Variants in AKAP8L observed in about 807,000 individuals in gnomAD.
AKAP8L encodes the protein A-kinase anchor protein 8-like.
In AKAP8L, 34 loss-of-function variants were observed where a neutral mutation model predicts 77.5. The observed-to-expected ratio is 0.44, with a 90% CI of 0.33 to 0.58. The LOEUF is 0.58. Among genes scored for constraint, AKAP8L ranks in the 20% least tolerant of loss-of-function variants. AKAP8L has a pLI of 0.02. For missense variants in AKAP8L, 806 were observed against 887.6 expected, an observed-to-expected ratio of 0.91 and a Z score of 1.17; for synonymous variants, 342 against 340.7, an observed-to-expected ratio of 1.00 and a Z score of -0.04.
At position 15,410,585 on chromosome 19, in the gene AKAP8L, T is replaced by C. The variant is rs758174500; in HGVS notation, c.23A>G (p.Gln8Arg). The stretch of plus-strand genomic sequence containing the variant: ...CGACTGCAAAGTGGTTTCAGATCCC[T>C]GGACAAAGCCTAAACATAAAGACAG... MSYTGFV[Q>R]GSETTLQSTY... The change falls in exon 2 of 14, where the codon CAG becomes CGG. Residue 8 changes from glutamine (Q) to arginine (R), a missense_variant. By Grantham distance (43) the Gln-to-Arg change is conservative. Around this residue, in one of 2 missense-constraint regions of AKAP8L, gnomAD observed 580 missense variants for 694.1 expected, o/e 0.84. Coordinates refer to ENST00000397410, the MANE Select transcript of AKAP8L (RefSeq NM_014371.4). 1.3e-6 allele frequency: 2 copies of C among 1,591,882 alleles called. No homozygotes were observed. Among genetic ancestry groups the C allele is most frequent in the African/African-American group, 1.3e-5 (1 of 74,692 alleles).
rs1967809009 is a variant in AKAP8L at position 15,397,823 on chromosome 19, C to CCCCCCCACCAAT, written c.1189_1190insATTGGTGGGGGG (p.Arg397delinsHisTrpTrpGlyGly). The CCCCCCCACCAAT allele has an allele frequency of 6.2e-7, 1 of 1,613,734 alleles. No individual in the cohort carries two copies. The highest frequency in any genetic ancestry group is 1.7e-5 in the Admixed American group (1 of 59,980). On this transcript the variant is annotated protein_altering_variant, in exon 10 of 14. Transcript: ENST00000397410. The surrounding 1 kb of genome is among the most constrained non-coding windows in gnomAD (Gnocchi z 4.7). The stretch of plus-strand genomic sequence containing the variant: ...GGCCATCTCGTCCTCATAGAAGGTC[C>CCCCCCCACCAAT]GGTATTTGCACAGAGAACACACAAA...
rs1387552112 is a variant in AKAP8L at position 15,398,827 on chromosome 19, T to C, written c.1157+475A>G. 3 of 1,015,014 alleles carry C rather than the reference T, an allele frequency of 3.0e-6. No individual in the cohort carries two copies. The East Asian group carries it at 2.9e-4, about 99-fold the overall frequency. 62.9% of individuals were successfully genotyped at this position (1,015,014 alleles called of 1,614,324 possible). A position where few individuals can be genotyped will look rare whatever the true frequency, so the allele number is the denominator to read the frequency against. ...GGCTCAGCCGCAGACAGGCCCGGCC[T>C]GACAGGGCCGGCGGGCAGGGCAGAA... On this transcript the variant is annotated intron_variant, in intron 9 of 13. Transcript: ENST00000397410. The surrounding 1 kb of genome is among the most constrained non-coding windows in gnomAD (Gnocchi z 9.2).
chr19:15,413,550 T>A (rs1472902271), intron 1 of AKAP8L, among the ~76,000 whole-genome samples: 1 of 152,176 alleles, frequency 6.6e-6, no homozygotes, highest in Non-Finnish European at 1.5e-5. Context: ...AATGGATTCC[T>A]TCCAGGGATC....
rs777235953 is a variant in AKAP8L, at chr19:15,403,622, G to A, written c.215C>T (p.Pro72Leu). Residue 72 changes from proline to leucine, a missense_variant, in exon 4 of 14, where the codon CCT becomes CTT. Around this residue, in one of 2 missense-constraint regions of AKAP8L, gnomAD observed 580 missense variants for 694.1 expected, o/e 0.84. Coordinates refer to ENST00000397410, the MANE Select transcript of AKAP8L (RefSeq NM_014371.4). The surrounding 1 kb of genome is among the most constrained non-coding windows in gnomAD (Gnocchi z 4.3). ...GMATSHSWEM[P>L]SSDTNANTSA... ...AGTGTTTGCATTTGTGTCAGAGCTAGGCATTTCCCAAGAGTGTGAAGTGGC... is the reference window on the plus strand; with the variant it reads ...AGTGTTTGCATTTGTGTCAGAGCTAAGCATTTCCCAAGAGTGTGAAGTGGC... 1.4e-5 allele frequency: 22 copies of A among 1,613,870 alleles called. No individual in the cohort carries two copies. Among genetic ancestry groups the A allele is most frequent in the African/African-American group, 2.7e-5 (2 of 74,918 alleles).
Position 15,397,230 on chromosome 19 carries a change from C to A in AKAP8L, c.1456G>T (p.Ala486Ser), listed in dbSNP as rs747237353. The A allele has an allele frequency of 2.5e-6, 4 of 1,614,046 alleles. No homozygotes were observed. The highest frequency in any genetic ancestry group is 2.2e-5 in the South Asian group (2 of 91,086). ...TGCATGGGAATGAAGAGGTCGCAGG[C>A]TGCACAATGGGCTGCCTCCACCTTC... Reference protein sequence around the residue: ...VKKVEAAHCAACDLFIPMQFG... With the variant: ...VKKVEAAHCASCDLFIPMQFG... The change falls in exon 12 of 14, where the codon GCC becomes TCC. Residue 486 changes from alanine (A) to serine (S), a missense_variant. By Grantham distance (99) the Ala-to-Ser change is moderately conservative (BLOSUM62 1). Coordinates refer to ENST00000397410, the MANE Select transcript of AKAP8L (RefSeq NM_014371.4). The surrounding 1 kb of genome is among the most constrained non-coding windows in gnomAD (Gnocchi z 4.7).
Position 15,380,582 on chromosome 19 carries a change from G to A in AKAP8L, c.1567C>T (p.Leu523Phe). ...LMMEQSKKSSLMVARSILNNK... is the reference protein window; with the variant it reads ...LMMEQSKKSSFMVARSILNNK... ...TTGAGAATACTGCGGGCCACCATGAGGGAGGACTTCTTGGACTGCTCCATC... is the reference window on the plus strand; with the variant it reads ...TTGAGAATACTGCGGGCCACCATGAAGGAGGACTTCTTGGACTGCTCCATC... The change falls in exon 13 of 14, where the codon CTC becomes TTC. Residue 523 changes from leucine to phenylalanine, a missense_variant. Around this residue, in one of 2 missense-constraint regions of AKAP8L, gnomAD observed 226 missense variants for 193.5 expected, o/e 1.17. Transcript: ENST00000397410. The A allele has an allele frequency of 1.2e-6, 2 of 1,613,822 alleles. No individual in the cohort carries two copies.
In AKAP8L at chr19:15,380,365, G is replaced by C; in HGVS notation, c.1698C>G (p.Ala566=). Residue 566 remains alanine, a synonymous_variant, in exon 14 of 14, where the codon GCC becomes GCG. Coordinates refer to ENST00000397410, the MANE Select transcript of AKAP8L (RefSeq NM_014371.4). The part of the protein sequence containing the change: ...EKEQEEAEGG[A]LDEGAQGEAA... ...CTTCGCCCTGCGCCCCCTCGTCCAG[G>C]GCACCGCCCTCAGCCTCCTCCTGCT... 2 of 1,562,056 alleles carry C rather than the reference G, an allele frequency of 1.3e-6. No homozygotes were observed. The highest frequency in any genetic ancestry group is 1.7e-6 in the Non-Finnish European group (2 of 1,157,300).
intron 12 of AKAP8L, 151 bp from the exon 13 acceptor site, chr19:15,380,763 C>G (rs999749866): frequency 6.2e-6 from 4 of 641,088 alleles, no homozygotes; most frequent in African/African-American, 1.8e-5. Context: ...AAGCATGGAA[C>G]CACAACCTAT....
At chr19:15,390,954 T>C (rs917747748) in intron 12 of AKAP8L, among the ~76,000 whole-genome samples, 4 of 152,164 alleles carry the variant, frequency 2.6e-5, no homozygotes, top group African/African-American at 7.2e-5. Context: ...ACAGCTGACA[T>C]CACACTTAAT....
chr19:15,407,157 G>A (rs771482843), intron 2 of AKAP8L, among the ~76,000 whole-genome samples: 3 of 152,190 alleles, frequency 2.0e-5, no homozygotes, highest in Non-Finnish European at 2.9e-5. Flanking sequence ...GCAGGAGGCT[G>A]AGGTGGGAGG....
At chr19:15,400,171 CG>C (rs1442862268) in intron 8 of AKAP8L, 123 bp downstream of exon 8, 1 of 958,168 alleles carries the variant, frequency 1.0e-6, no homozygotes, top group Non-Finnish European at 1.7e-6. Flanking sequence ...AGCACACACT[CG>C]GGCCCACAAG....
Position 15,397,773 on chromosome 19 carries a change from T to C in AKAP8L, c.1240A>G (p.Lys414Glu), listed in dbSNP as rs1364652130. 1.2e-6 allele frequency: 2 copies of C among 1,613,870 alleles called. No homozygotes were observed. Among genetic ancestry groups the C allele is most frequent in the Non-Finnish European group, 1.7e-6 (2 of 1,179,888 alleles). ...MASHLDSKFH[K>E]EHFKYVGTKL... ...GTGCCTACGTACTTAAAGTGTTCCTTGTGGAACTTGCTGTCAAGATGGCTG... is the reference window on the plus strand; with the variant it reads ...GTGCCTACGTACTTAAAGTGTTCCTCGTGGAACTTGCTGTCAAGATGGCTG... The change falls in exon 10 of 14, where the codon AAG becomes GAG. Residue 414 changes from lysine to glutamate, a missense_variant. By Grantham distance (56) the Lys-to-Glu change is moderately conservative. Coordinates refer to ENST00000397410, the MANE Select transcript of AKAP8L (RefSeq NM_014371.4). This position sits in a 1 kb window ranked among gnomAD's most constrained non-coding sequence, Gnocchi z 4.7.
rs757177910 is a variant in AKAP8L, at chr19:15,397,629, C to T, written c.1300-4G>A. ...TGGTCTTGTTAGTGACGTACTCCTG[C>T]AAGGAATATAAAGGTTCATGTGGGC... On this transcript the variant is annotated splice_region_variant and splice_polypyrimidine_tract_variant and intron_variant, in intron 10 of 13. Transcript: ENST00000397410. This position sits in a 1 kb window ranked among gnomAD's most constrained non-coding sequence, Gnocchi z 4.7. 4 of 1,613,746 alleles carry T rather than the reference C, an allele frequency of 2.5e-6. No homozygotes were observed. In the East Asian group the frequency reaches 6.7e-5, roughly 27 times the overall value.
At chr19:15,404,321 C>G (rs115805749) in intron 2 of AKAP8L, 2 of 429,468 alleles carry the variant, frequency 4.7e-6, no homozygotes, top group Admixed American at 8.3e-5. Context: ...CCTTTAAGAG[C>G]CAGAATTAGA....
At chr19:15,409,097 T>C (rs1049509336) in intron 2 of AKAP8L, among the ~76,000 whole-genome samples, 2 of 152,096 alleles carry the variant, frequency 1.3e-5, no homozygotes, top group African/African-American at 4.8e-5. Flanking sequence ...ACAGATTTCT[T>C]AGATATAAAA....
At position 15,410,978 on chromosome 19, in the gene AKAP8L, A is replaced by G. The variant is rs535546927; in HGVS notation, c.14-384T>C. On this transcript the variant is annotated intron_variant, in intron 1 of 13. Coordinates refer to ENST00000397410, the MANE Select transcript of AKAP8L (RefSeq NM_014371.4). ...TACGTTCGTGCCATCATTCGCAGCT[A>G]ATTTTTATACTTTTTTGTAGAGATG... Among the ~76,000 whole-genome samples, 26 of 152,190 alleles carry G rather than the reference A, an allele frequency of 1.7e-4. 1 individual carries two copies. In the South Asian group the frequency reaches 5.2e-3, roughly 30 times the overall value.
intron 7 of AKAP8L, 98 bp from the exon 8 acceptor site, chr19:15,400,456 G>A: frequency 1.6e-6 from 2 of 1,243,224 alleles, no homozygotes; most frequent in Non-Finnish European, 2.3e-6. Flanking sequence ...TAAAACAGCT[G>A]CTTGCTCCAT....
chr19:15,383,087 T>A (rs1474699667), intron 12 of AKAP8L: 1 of 152,240 alleles, frequency 6.6e-6, no homozygotes, highest in African/African-American at 2.4e-5. Flanking sequence ...GGTGGCTAAA[T>A]GTGAACTGAC....
chr19:15,415,803 A>G (rs193261733), intron 1 of AKAP8L, among the ~76,000 whole-genome samples: 36 of 150,968 alleles, frequency 2.4e-4, no homozygotes, highest in Middle Eastern at 3.4e-3. Context: ...GGAGAATGGC[A>G]TGAACCTGGG....
Sources: gnomAD v4.1 joint callset for allele counts (sites outside exome capture counted in the v4.1 genomes callset) on GRCh38, gnomAD v4.1.1 for gene constraint, gnomAD v4.1.1 regional missense constraint, Gnocchi (gnomAD v3.1) non-coding constraint, MANE v1.5 for transcripts, NCBI Gene and HGNC (gene_info 2026-07-23, HGNC 2026-07-21) for gene names.